Variants in FER1L6 observed in about 807,000 individuals in gnomAD.
FER1L6 encodes fer-1 like family member 6, also known as fer-1-like protein 6.
FER1L6 carries 177 observed loss-of-function variants against 219.2 expected under a neutral mutation model. The ratio of observed to expected loss-of-function variants is 0.81; its 90% CI spans 0.71 to 0.91. FER1L6 has a LOEUF of 0.91. Among genes scored for constraint, FER1L6 ranks in the 40% least tolerant of loss-of-function variants. FER1L6 has a pLI of 0.00. For synonymous variants in FER1L6, 768 were observed against 824.3 expected (o/e 0.93, Z 1.17); for missense variants, 2,153 against 2,259.9 (o/e 0.95, Z 0.96).
At chr8:124,078,426 G>A (rs1191026548) in intron 32 of FER1L6, among the ~76,000 whole-genome samples, 1 of 152,092 alleles carries the variant, frequency 6.6e-6, no homozygotes, top group Non-Finnish European at 1.5e-5. Context: ...AAACCAGCTC[G>A]ACCTCCCCTT....
intron 30 of FER1L6, among the ~76,000 whole-genome samples, chr8:124,070,916 C>T (rs902708606): frequency 2.6e-5 from 4 of 152,088 alleles, no homozygotes; most frequent in Non-Finnish European, 2.9e-5. Flanking sequence ...ACCAGTTGGA[C>T]GATTAAACTA....
At chr8:123,974,680 A>AAAAAAAAAAAT (rs1362934333) in intron 7 of FER1L6, among the ~76,000 whole-genome samples, 1 of 148,490 alleles carries the variant, frequency 6.7e-6, no homozygotes. Flanking sequence ...AAAAAAAAAA[A>AAAAAAAAAAAT]AAGAAATGTG....
In FER1L6 at chr8:124,056,295, G is replaced by A. The variant is rs544056984; in HGVS notation, c.2875-3885G>A. Reference sequence around the variant, plus strand: ...CTACACACCCCCAAAAGGGGCCACTGCTATTTGGTCTATGTGGCTGGCCTC... The same window carrying A: ...CTACACACCCCCAAAAGGGGCCACTACTATTTGGTCTATGTGGCTGGCCTC... On this transcript the variant is annotated intron_variant, in intron 22 of 40. Transcript: ENST00000522917. Among the ~76,000 whole-genome samples, 5 of 152,310 alleles carry A rather than the reference G, an allele frequency of 3.3e-5. No homozygotes were observed. In the South Asian group the frequency reaches 1.0e-3, roughly 32 times the overall value.
intron 13 of FER1L6, among the ~76,000 whole-genome samples, chr8:124,008,789 A>AT (rs199513273): frequency 0.036 from 5,534 of 152,208 alleles, 220 homozygotes; most frequent in East Asian, 0.11. Context: ...AAGAAAAAAA[A>AT]CTCATCAAAA....
intron 39 of FER1L6, among the ~76,000 whole-genome samples, chr8:124,107,463 T>C (rs1207836769): frequency 6.6e-6 from 1 of 152,140 alleles, no homozygotes; most frequent in Non-Finnish European, 1.5e-5. Context: ...CAGTGGCGAA[T>C]GGATGAACAT....
At chr8:123,932,625 G>T (rs10102852) in intron 1 of FER1L6, among the ~76,000 whole-genome samples, 9,931 of 152,186 alleles carry the variant, frequency 0.065, 1,096 homozygotes, top group African/African-American at 0.23. Flanking sequence ...GCGTAATGGT[G>T]GGGGGAGGAC....
At chr8:123,912,201 G>T (rs540659334) in intron 1 of FER1L6, among the ~76,000 whole-genome samples, 85 of 152,096 alleles carry the variant, frequency 5.6e-4, no homozygotes, top group Non-Finnish European at 1.0e-3. Flanking sequence ...CAATTAAACT[G>T]CAAGTTAGCT....
At chr8:124,096,566 G>A (rs1010904149) in intron 35 of FER1L6, among the ~76,000 whole-genome samples, 4 of 152,132 alleles carry the variant, frequency 2.6e-5, no homozygotes, top group African/African-American at 7.2e-5. Flanking sequence ...CTCCTCACAT[G>A]GGCTCTTAAA....
intron 35 of FER1L6, among the ~76,000 whole-genome samples, chr8:124,096,853 G>C (rs573972586): frequency 6.6e-6 from 1 of 152,248 alleles, no homozygotes; most frequent in Non-Finnish European, 1.5e-5. Context: ...CACAAGGGTT[G>C]AATCCGGACT....
intron 16 of FER1L6, among the ~76,000 whole-genome samples, chr8:124,020,678 T>C (rs1200571956): frequency 6.6e-6 from 1 of 152,132 alleles, no homozygotes; most frequent in Non-Finnish European, 1.5e-5. Flanking sequence ...TGGATGCAGC[T>C]GGGGGTCAGC....
intron 1 of FER1L6, among the ~76,000 whole-genome samples, chr8:123,948,335 G>A (rs958148028): frequency 6.6e-6 from 1 of 152,174 alleles, no homozygotes; most frequent in African/African-American, 2.4e-5. Context: ...AAATCTTGAA[G>A]CATAACATAT....
intron 38 of FER1L6, 72 bp from the exon 39 acceptor site, chr8:124,103,074 G>A (rs769311213): frequency 7.6e-7 from 1 of 1,309,980 alleles, no homozygotes; most frequent in South Asian, 1.3e-5. Context: ...AATGAATGAG[G>A]ATGGTGATTG....
chr8:124,079,592 G>C (rs1821447678), intron 32 of FER1L6, among the ~76,000 whole-genome samples: 1 of 152,154 alleles, frequency 6.6e-6, no homozygotes, highest in South Asian at 2.1e-4. Context: ...TTTCCAATCA[G>C]GTCGTCATTT....
chr8:124,112,660 A>C (rs527449676), intron 39 of FER1L6, among the ~76,000 whole-genome samples: 1 of 152,232 alleles, frequency 6.6e-6, no homozygotes, highest in Non-Finnish European at 1.5e-5. Flanking sequence ...GGAGGTTTCT[A>C]TGCTTCCAGT....
intron 1 of FER1L6, among the ~76,000 whole-genome samples, chr8:123,955,648 T>C (rs1814979838): frequency 6.6e-6 from 1 of 152,210 alleles, no homozygotes; most frequent in Non-Finnish European, 1.5e-5. Context: ...GTTGCTGTGG[T>C]GATAAATGAT....
At chr8:123,928,345 G>C (rs531943351) in intron 1 of FER1L6, among the ~76,000 whole-genome samples, 1 of 152,258 alleles carries the variant, frequency 6.6e-6, no homozygotes. Context: ...TTCCCTTGCA[G>C]CTAGAATGCA....
chr8:123,855,156 G>A (rs747092072), intron 1 of FER1L6, among the ~76,000 whole-genome samples: 4 of 152,194 alleles, frequency 2.6e-5, no homozygotes, highest in Admixed American at 6.5e-5. Flanking sequence ...GGGGACAGAT[G>A]AAAAGGCTGG....
At chr8:123,949,890 A>G (rs1262938072) in intron 1 of FER1L6, among the ~76,000 whole-genome samples, 1 of 152,246 alleles carries the variant, frequency 6.6e-6, no homozygotes, top group Admixed American at 6.5e-5. Context: ...TTTGGGGAGT[A>G]AAGGAAAAGC....
intron 1 of FER1L6, among the ~76,000 whole-genome samples, chr8:123,886,791 C>T (rs1289978380): frequency 1.3e-5 from 2 of 152,156 alleles, no homozygotes; most frequent in Non-Finnish European, 2.9e-5. Flanking sequence ...TGTTAAGCAT[C>T]CTAGGGAGGC....
Sources: allele counts gnomAD v4.1 joint callset (sites outside exome capture counted in the v4.1 genomes callset), GRCh38; gene constraint gnomAD v4.1.1; transcripts MANE v1.5; gene names NCBI Gene and HGNC (gene_info 2026-07-23, HGNC 2026-07-21).